SLC3A1: variants seen among roughly 807,000 people sequenced by gnomAD.
SLC3A1 encodes amino acid transporter heavy chain SLC3A1.
SLC3A1 carries 78 observed loss-of-function variants against 60.3 expected under a neutral mutation model. The ratio of observed to expected loss-of-function variants is 1.29; its 90% CI spans 1.08 to 1.56. SLC3A1 has a LOEUF of 1.56. Among genes scored for constraint, SLC3A1 ranks in the 40% most tolerant of loss-of-function variants. The pLI is 0.00. For synonymous variants in SLC3A1, 392 were observed against 307.9 expected (o/e 1.27, Z -2.86); for missense variants, 1,172 against 858.9 (o/e 1.36, Z -4.56).
At chr2:44,321,866 C>T (rs759643353), downstream of SLC3A1, 13 of 1,613,678 alleles carry the variant, frequency 8.1e-6, no homozygotes, top group East Asian at 1.1e-4. Context: ...TGCCTCCAGG[C>T]TGAATATCTA....
At chr2:44,306,248 G>T (rs1334489243) in intron 7 of SLC3A1, among the ~76,000 whole-genome samples, 1 of 152,296 alleles carries the variant, frequency 6.6e-6, no homozygotes, top group Non-Finnish European at 1.5e-5. Flanking sequence ...TTTTCGCACA[G>T]ATCCTGCCAG....
Position 44,320,834 on chromosome 2 carries a change from A to G in SLC3A1, c.*195A>G, listed in dbSNP as rs1672880219. 1.7e-6 allele frequency: 1 copy of G among 602,264 alleles called. No homozygotes were observed. The highest frequency in any genetic ancestry group is 1.8e-5 in the African/African-American group (1 of 54,064). The allele number at this position is 602,264 out of a possible 1,614,324, so 37.3% of individuals were successfully genotyped here. ...AATGTTTAAAAGTAAATTATGGCTT[A>G]TAGGAGCTTATAACTTTATTCAGAT... On this transcript the variant is annotated 3_prime_UTR_variant, in exon 10 of 10. Coordinates refer to ENST00000260649, the MANE Select transcript of SLC3A1 (RefSeq NM_000341.4).
intron 4 of SLC3A1, among the ~76,000 whole-genome samples, chr2:44,293,523 G>GA (rs200058832): frequency 1.6e-4 from 17 of 108,942 alleles, no homozygotes; most frequent in African/African-American, 3.5e-4. Flanking sequence ...TTTTAGGGGG[G>GA]AAAAAAAAAA....
intron 3 of SLC3A1, among the ~76,000 whole-genome samples, chr2:44,282,788 G>T (rs1262771667): frequency 6.6e-6 from 1 of 151,926 alleles, no homozygotes. Context: ...CTCCCAAGTA[G>T]CTGGGACCAC....
chr2:44,294,896 T>G (rs888652592), intron 4 of SLC3A1, among the ~76,000 whole-genome samples: 1 of 152,042 alleles, frequency 6.6e-6, no homozygotes, highest in African/African-American at 2.4e-5. Context: ...GTCTTCTGTT[T>G]GTTTTTTTGG....
intron 4 of SLC3A1, among the ~76,000 whole-genome samples, chr2:44,287,251 G>A (rs1351238060): frequency 1.3e-5 from 2 of 152,108 alleles, no homozygotes; most frequent in Non-Finnish European, 2.9e-5. Flanking sequence ...TCAGGTAGAA[G>A]TGGCTCTTCT....
At chr2:44,278,309 G>A (rs571741055) in intron 1 of SLC3A1, among the ~76,000 whole-genome samples, 50 of 152,172 alleles carry the variant, frequency 3.3e-4, no homozygotes, top group African/African-American at 1.1e-3. Context: ...TCAGCTGGGC[G>A]TGGTGGCGGG....
chr2:44,279,372 C>T (rs114723168), intron 1 of SLC3A1, among the ~76,000 whole-genome samples: 32 of 152,176 alleles, frequency 2.1e-4, no homozygotes, highest in African/African-American at 7.7e-4. Flanking sequence ...GGAAGCCCTT[C>T]ACTCTGATCC....
At chr2:44,301,409 T>C in intron 6 of SLC3A1, 1 of 599,568 alleles carries the variant, frequency 1.7e-6, no homozygotes, top group East Asian at 2.8e-5. Flanking sequence ...TTATATTAGC[T>C]AAATGTTAGC....
At chr2:44,319,287 A>T (rs2103626291) in intron 9 of SLC3A1, 1 of 152,792 alleles carries the variant, frequency 6.5e-6, no homozygotes, top group South Asian at 2.1e-4. Context: ...TGATTTGGCA[A>T]CAGCTCTTAT....
intron 4 of SLC3A1, among the ~76,000 whole-genome samples, chr2:44,288,767 T>G (rs1671672993): frequency 6.6e-6 from 1 of 152,250 alleles, no homozygotes; most frequent in African/African-American, 2.4e-5. Context: ...TATGTGCTTA[T>G]AGTTCATTTG....
chr2:44,307,971 G>C (rs181713438), intron 7 of SLC3A1, among the ~76,000 whole-genome samples: 25 of 152,158 alleles, frequency 1.6e-4, no homozygotes, highest in African/African-American at 6.0e-4. Flanking sequence ...TGGAATCTTT[G>C]TTGAAAAATC....
intron 6 of SLC3A1, chr2:44,301,448 A>T (rs942935388): frequency 3.8e-6 from 2 of 530,586 alleles, no homozygotes; most frequent in Non-Finnish European, 6.8e-6. Context: ...CTTTTTCAAA[A>T]ACCAGTTCCA....
chr2:44,322,412 C>G (rs911895745), downstream of SLC3A1, among the ~76,000 whole-genome samples: 1 of 152,156 alleles, frequency 6.6e-6, no homozygotes, highest in Non-Finnish European at 1.5e-5. Flanking sequence ...CCAAGAATAA[C>G]GGCTCAATAA....
At chr2:44,310,692 A>AT (rs34284291) in intron 7 of SLC3A1, among the ~76,000 whole-genome samples, 8,085 of 148,172 alleles carry the variant, frequency 0.055, 240 homozygotes, top group Non-Finnish European at 0.074. Flanking sequence ...GTTGTTGGCT[A>AT]TTTTTTTTTT....
intron 5 of SLC3A1, 124 bp downstream of exon 5, chr2:44,300,214 G>T: frequency 3.1e-6 from 3 of 958,356 alleles, no homozygotes; most frequent in Non-Finnish European, 4.8e-6. Context: ...CAAGTACCCT[G>T]ATTTATTTCT....
At chr2:44,284,013 T>C (rs1225598251) in intron 3 of SLC3A1, among the ~76,000 whole-genome samples, 1 of 151,268 alleles carries the variant, frequency 6.6e-6, no homozygotes, top group Non-Finnish European at 1.5e-5. Flanking sequence ...GCTACTTCCG[T>C]TTTTTTTATT....
At chr2:44,290,468 C>G (rs1671716844) in intron 4 of SLC3A1, among the ~76,000 whole-genome samples, 1 of 152,136 alleles carries the variant, frequency 6.6e-6, no homozygotes, top group Non-Finnish European at 1.5e-5. Flanking sequence ...TGCAAAGAAG[C>G]CTGCTGTGGT....
chr2:44,317,951 TAGCA>T lies in SLC3A1; in HGVS notation c.1618-2242_1618-2239del, dbSNP rs958675454. On this transcript the variant is annotated intron_variant, in intron 9 of 9. Transcript: ENST00000260649. ...AACACAAAGAATTAAAATGAAGATA[TAGCA>T]AGCAAATAATAGAAAGCTTGCAACC... 4.5e-5 allele frequency: 12 copies of T among 264,894 alleles called. 1 individual carries two copies. The highest frequency in any genetic ancestry group is 1.7e-4 in the African/African-American group (7 of 42,364). 16.4% of individuals were successfully genotyped at this position (264,894 alleles called of 1,614,324 possible).
Sources: gnomAD v4.1 joint callset for allele counts (sites outside exome capture counted in the v4.1 genomes callset) on GRCh38, gnomAD v4.1.1 for gene constraint, MANE v1.5 for transcripts, NCBI Gene and HGNC (gene_info 2026-07-23, HGNC 2026-07-21) for gene names.